Variants in SMYD3 observed in about 807,000 individuals in gnomAD.
The protein encoded by SMYD3 is histone-lysine N-methyltransferase SMYD3.
SMYD3 carries 36 observed loss-of-function variants against 57.7 expected under a neutral mutation model. The observed-to-expected ratio is 0.62, with a 90% CI of 0.48 to 0.82. The LOEUF is 0.82. Ranked by LOEUF, SMYD3 falls within the 40% of genes least tolerant of loss-of-function variation. The pLI is 0.00. For synonymous variants in SMYD3, 211 were observed against 195.0 expected, an observed-to-expected ratio of 1.08 and a Z score of -0.68; for missense variants, 515 against 538.8, an observed-to-expected ratio of 0.96 and a Z score of 0.44.
chr1:246,165,993 A>T (rs2062202991), intron 5 of SMYD3, among the ~76,000 whole-genome samples: 1 of 152,114 alleles, frequency 6.6e-6, no homozygotes, highest in South Asian at 2.1e-4. Context: ...AATGGGAGAG[A>T]TCAGGAATGT....
chr1:245,887,178 T>C (rs1261353911), intron 8 of SMYD3, among the ~76,000 whole-genome samples: 3 of 152,208 alleles, frequency 2.0e-5, no homozygotes, highest in East Asian at 1.9e-4. Flanking sequence ...ATAAAACAGG[T>C]TGCAGTAAAG....
intron 2 of SMYD3, among the ~76,000 whole-genome samples, chr1:246,351,953 T>A (rs576743525): frequency 5.3e-5 from 8 of 151,890 alleles, no homozygotes; most frequent in Non-Finnish European, 1.0e-4. Context: ...CTGGTCAACA[T>A]GATGAAACCC....
intron 5 of SMYD3, among the ~76,000 whole-genome samples, chr1:246,176,504 A>G (rs2062436970): frequency 1.3e-5 from 2 of 152,342 alleles, no homozygotes; most frequent in African/African-American, 4.8e-5. Flanking sequence ...TATTCGAAGC[A>G]ATGAGATTAA....
At chr1:245,813,757 G>C (rs947561222) in intron 10 of SMYD3, among the ~76,000 whole-genome samples, 1 of 152,136 alleles carries the variant, frequency 6.6e-6, no homozygotes, top group African/African-American at 2.4e-5. Flanking sequence ...AAAGGGACTA[G>C]TGGAGGAGCT....
chr1:246,023,046 C>G (rs1330737300), intron 5 of SMYD3, among the ~76,000 whole-genome samples: 1 of 152,152 alleles, frequency 6.6e-6, no homozygotes, highest in Non-Finnish European at 1.5e-5. Flanking sequence ...ACTTCTCTAC[C>G]AATCCATTCT....
intron 1 of SMYD3, among the ~76,000 whole-genome samples, chr1:246,406,427 G>C (rs2066867299): frequency 6.6e-6 from 1 of 152,158 alleles, no homozygotes; most frequent in South Asian, 2.1e-4. Context: ...AAAAATATCG[G>C]AGCTCTGGTA....
chr1:245,801,517 C>T (rs1032557628), intron 10 of SMYD3, among the ~76,000 whole-genome samples: 7 of 152,266 alleles, frequency 4.6e-5, no homozygotes, highest in African/African-American at 1.7e-4. Flanking sequence ...GCAGCTGCTA[C>T]GAAGCTCAGA....
At chr1:246,372,655 G>A (rs1234978242) in intron 1 of SMYD3, among the ~76,000 whole-genome samples, 1 of 152,186 alleles carries the variant, frequency 6.6e-6, no homozygotes, top group East Asian at 1.9e-4. Flanking sequence ...TGGATCTCTT[G>A]AGGGCAGGGG....
intron 5 of SMYD3, among the ~76,000 whole-genome samples, chr1:246,318,701 G>A (rs2065202758): frequency 6.6e-6 from 1 of 152,188 alleles, no homozygotes; most frequent in South Asian, 2.1e-4. Flanking sequence ...TTAATGGCAA[G>A]TTATACACTT....
In SMYD3 at chr1:245,928,098, T is replaced by A. The variant is rs192767045; in HGVS notation, c.600-65A>T. 2.3e-6 allele frequency: 3 copies of A among 1,323,080 alleles called. No homozygotes were observed. The Admixed American group carries it at 5.3e-5, about 24-fold the overall frequency. The allele number at this position is 1,323,080 out of a possible 1,614,324, so 82.0% of individuals were successfully genotyped here. On this transcript the variant is annotated intron_variant, in intron 6 of 11. Coordinates refer to ENST00000490107, the MANE Select transcript of SMYD3 (RefSeq NM_001167740.2). ...GGTAGAGTCAACTAAATTTAACAAA[T>A]GCAGTGGGTAAAATACACCTTCCTT...
chr1:246,496,124 C>T (rs2068356976), intron 1 of SMYD3, among the ~76,000 whole-genome samples: 1 of 151,914 alleles, frequency 6.6e-6, no homozygotes, highest in Non-Finnish European at 1.5e-5. Context: ...GTAACCTCTG[C>T]CTCCCGGGTT....
chr1:246,147,131 A>G (rs1055320873), intron 5 of SMYD3, among the ~76,000 whole-genome samples: 2 of 152,196 alleles, frequency 1.3e-5, no homozygotes, highest in Admixed American at 6.5e-5. Context: ...TTCGCTGGTC[A>G]GGTTAAAACT....
At chr1:246,074,375 A>AC (rs374482703) in intron 5 of SMYD3, among the ~76,000 whole-genome samples, 1 of 146,376 alleles carries the variant, frequency 6.8e-6, no homozygotes, top group African/African-American at 2.4e-5. Flanking sequence ...TAAAAAAAAA[A>AC]AACAAACTGT....
At chr1:246,244,419 C>G (rs957143455) in intron 5 of SMYD3, among the ~76,000 whole-genome samples, 1 of 152,114 alleles carries the variant, frequency 6.6e-6, no homozygotes, top group African/African-American at 2.4e-5. Flanking sequence ...ATCATTTTCC[C>G]TATTCACTTT....
At chr1:246,191,004 C>T (rs759232539) in intron 5 of SMYD3, among the ~76,000 whole-genome samples, 4 of 152,200 alleles carry the variant, frequency 2.6e-5, no homozygotes. Context: ...ACACCGGGTT[C>T]AAGACACTAG....
intron 5 of SMYD3, among the ~76,000 whole-genome samples, chr1:245,932,766 T>C (rs568771310): frequency 2.3e-4 from 35 of 152,258 alleles, no homozygotes; most frequent in Middle Eastern, 3.4e-3. Flanking sequence ...CTTGCTATAT[T>C]GCCCTGGCTG....
chr1:246,336,711 G>A (rs1175223614), intron 2 of SMYD3, among the ~76,000 whole-genome samples: 1 of 152,088 alleles, frequency 6.6e-6, no homozygotes, highest in East Asian at 1.9e-4. Context: ...CAAATGGTAG[G>A]TATTATCCCT....
At chr1:246,191,730 A>T (rs542112814) in intron 5 of SMYD3, among the ~76,000 whole-genome samples, 1 of 152,208 alleles carries the variant, frequency 6.6e-6, no homozygotes, top group African/African-American at 2.4e-5. Context: ...AAAAGATCAC[A>T]AATGTCTTCA....
chr1:245,908,288 T>G (rs987308951), intron 8 of SMYD3, among the ~76,000 whole-genome samples: 22 of 152,100 alleles, frequency 1.4e-4, no homozygotes, highest in African/African-American at 5.3e-4. Context: ...AAACATCAAT[T>G]CAGCGATAGG....
Sources: gnomAD v4.1 joint callset for allele counts (sites outside exome capture counted in the v4.1 genomes callset) on GRCh38, gnomAD v4.1.1 for gene constraint, MANE v1.5 for transcripts, NCBI Gene and HGNC (gene_info 2026-07-23, HGNC 2026-07-21) for gene names.